Variants in OTC observed in about 807,000 individuals in gnomAD.
OTC encodes the protein ornithine transcarbamylase.
Under a neutral mutation model 30.3 loss-of-function variants are expected in OTC, and 3 were observed. The observed-to-expected ratio is 0.10, with a 90% CI of 0.05 to 0.26. OTC has a LOEUF of 0.26. Ranked by LOEUF, OTC falls within the 10% of genes least tolerant of loss-of-function variation. The pLI is 1.00. For missense variants in OTC, 194 were observed against 260.3 expected (o/e 0.75, Z 1.75); for synonymous variants, 111 against 99.7 (o/e 1.11, Z -0.67).
Position 38,401,341 on chromosome X carries a change from G to A in OTC, c.453G>A (p.Leu151=). The part of the protein sequence containing the change: ...RVYKQSDLDT[L]AKEASIPIIN... ...ATAAACAATCAGATTTGGACACCCT[G>A]GCTAAAGAAGCATCCATCCCAATTA... Residue 151 remains leucine (L), a synonymous_variant, in exon 5 of 10, where the codon CTG becomes CTA. Transcript: ENST00000039007. 1 of 1,195,101 alleles carries A rather than the reference G, an allele frequency of 8.4e-7. No homozygotes were observed. The highest frequency in any genetic ancestry group is 3.0e-5 in the East Asian group (1 of 33,759).
intron 4 of OTC, among the ~76,000 whole-genome samples, chrX:38,393,239 A>G (rs2068437734): frequency 8.9e-6 from 1 of 112,648 alleles, no homozygotes; most frequent in African/African-American, 3.2e-5. Context: ...ATGCTTTTAA[A>G]CATTTAACTT....
chrX:38,389,393 G>T (rs2068419951), intron 4 of OTC, among the ~76,000 whole-genome samples: 1 of 45,696 alleles, frequency 2.2e-5, no homozygotes, highest in African/African-American at 9.5e-5. Context: ...ATATTAAAAG[G>T]AATATTTATA....
the OTC span, among the ~76,000 whole-genome samples, chrX:38,338,145 C>A: frequency 1.8e-3 from 205 of 112,175 alleles, 1 homozygote; most frequent in Non-Finnish European, 2.6e-3. Flanking sequence ...GCTGTGAGTA[C>A]TACTGACATT....
At chrX:38,354,060 G>A (rs1285355288) in intron 1 of OTC, among the ~76,000 whole-genome samples, 7 of 111,818 alleles carry the variant, frequency 6.3e-5, no homozygotes, top group African/African-American at 2.3e-4. Context: ...CTGCAATGTT[G>A]TTTCACCTAT....
chrX:38,350,215 G>A (rs749196439), upstream of OTC, among the ~76,000 whole-genome samples: 8 of 111,562 alleles, frequency 7.2e-5, no homozygotes, highest in Non-Finnish European at 1.5e-4. Flanking sequence ...TGGGGTCAGA[G>A]AGCAGAGACA....
intron 4 of OTC, among the ~76,000 whole-genome samples, chrX:38,396,081 T>C (rs1402698963): frequency 9.3e-6 from 1 of 107,578 alleles, no homozygotes; most frequent in Non-Finnish European, 1.9e-5. Flanking sequence ...GCCTCCTGAG[T>C]AGCTGGGATT....
At chrX:38,409,764 G>T (rs897669682) in intron 8 of OTC, among the ~76,000 whole-genome samples, 3 of 112,444 alleles carry the variant, frequency 2.7e-5, no homozygotes, top group African/African-American at 6.5e-5. Context: ...TACTTTGGTG[G>T]AGAAAGGGAT....
chrX:38,403,838 G>A (rs2068503314), intron 6 of OTC, 98 bp downstream of exon 6: 1 of 940,320 alleles, frequency 1.1e-6, no homozygotes, highest in Non-Finnish European at 1.5e-6. Context: ...TTTAAGTATA[G>A]CACAGGTGAG....
intron 9 of OTC, among the ~76,000 whole-genome samples, chrX:38,419,169 C>T (rs1312184441): frequency 8.9e-6 from 1 of 111,842 alleles, no homozygotes; most frequent in Admixed American, 9.5e-5. Flanking sequence ...CATTTCTGGG[C>T]TTTCCTTACT....
At chrX:38,338,146 T>A in the OTC span, among the ~76,000 whole-genome samples, 2 of 112,280 alleles carry the variant, frequency 1.8e-5, no homozygotes, top group African/African-American at 6.5e-5. Flanking sequence ...CTGTGAGTAC[T>A]ACTGACATTG....
At chrX:38,346,916 G>A in the OTC span, among the ~76,000 whole-genome samples, 2 of 112,248 alleles carry the variant, frequency 1.8e-5, no homozygotes, top group Non-Finnish European at 3.8e-5. Flanking sequence ...TAGCACTGTA[G>A]GCTAAAAAAT....
At chrX:38,393,399 T>G (rs889916950) in intron 4 of OTC, among the ~76,000 whole-genome samples, 1 of 112,556 alleles carries the variant, frequency 8.9e-6, no homozygotes, top group African/African-American at 3.2e-5. Flanking sequence ...TTTAATTTTG[T>G]TTTTTTATTC....
At chrX:38,408,095 A>G (rs2068524131) in intron 6 of OTC, among the ~76,000 whole-genome samples, 1 of 112,453 alleles carries the variant, frequency 8.9e-6, no homozygotes, top group South Asian at 3.7e-4. Context: ...TTGCCTCTCC[A>G]GAGTCTGACT....
At chrX:38,363,186 T>C (rs746505646) in intron 1 of OTC, among the ~76,000 whole-genome samples, 1 of 111,844 alleles carries the variant, frequency 8.9e-6, no homozygotes, top group Non-Finnish European at 1.9e-5. Context: ...TTTCCTGTGG[T>C]TGATGGATGT....
chrX:38,380,621 A>T (rs2068371098), intron 3 of OTC, among the ~76,000 whole-genome samples: 1 of 112,274 alleles, frequency 8.9e-6, no homozygotes, highest in Non-Finnish European at 1.9e-5. Context: ...AAAATAAAAG[A>T]AAGTAAGCAT....
the OTC span, among the ~76,000 whole-genome samples, chrX:38,334,500 G>A: frequency 9.0e-6 from 1 of 111,616 alleles, no homozygotes; most frequent in Non-Finnish European, 1.9e-5. Flanking sequence ...AGCACTAGAG[G>A]CGATCAGCTG....
At chrX:38,365,748 G>C (rs1245565258) in intron 1 of OTC, among the ~76,000 whole-genome samples, 4 of 112,213 alleles carry the variant, frequency 3.6e-5, no homozygotes, top group Non-Finnish European at 7.5e-5. Flanking sequence ...CTAGTTAGCT[G>C]TTCTGATAGC....
the OTC span, among the ~76,000 whole-genome samples, chrX:38,331,431 G>GTTTTTTTTTTTTTTTT: frequency 1.4e-5 from 1 of 73,451 alleles, no homozygotes; most frequent in Non-Finnish European, 2.5e-5. Flanking sequence ...TTTTTTTTTT[G>GTTTTTTTTTTTTTTTT]TTTTTTTTTT....
chrX:38,331,085 G>A, the OTC span, among the ~76,000 whole-genome samples: 1 of 111,719 alleles, frequency 9.0e-6, no homozygotes, highest in Non-Finnish European at 1.9e-5. Flanking sequence ...CTGTTGAATG[G>A]CAGAATTAAT....
Sources: allele counts gnomAD v4.1 joint callset (sites outside exome capture counted in the v4.1 genomes callset), GRCh38; gene constraint gnomAD v4.1.1; transcripts MANE v1.5; gene names NCBI Gene and HGNC (gene_info 2026-07-23, HGNC 2026-07-21).